Variants in ROBO2 observed in about 807,000 individuals in gnomAD.
ROBO2 encodes roundabout guidance receptor 2, also known as roundabout homolog 2.
In ROBO2, 53 loss-of-function variants were observed where a neutral mutation model predicts 160.8. The observed-to-expected ratio is 0.33, with a 90% confidence interval of 0.26 to 0.41. ROBO2 has a LOEUF of 0.41. Among genes scored for constraint, ROBO2 ranks in the 10% least tolerant of loss-of-function variants. The pLI, the probability that ROBO2 is intolerant of heterozygous loss-of-function variation, is 1.00. For synonymous variants in ROBO2, 664 were observed against 611.7 expected (o/e 1.09, Z -1.26); for missense variants, 1,577 against 1,722.4 (o/e 0.92, Z 1.49).
chr3:76,768,041 A>T (rs894934610), intron 2 of ROBO2, among the ~76,000 whole-genome samples: 1 of 151,542 alleles, frequency 6.6e-6, no homozygotes, highest in Admixed American at 6.6e-5. Flanking sequence ...TGGCACTGAT[A>T]CAATAGGCAT....
At chr3:76,496,428 G>A (rs934436876) in intron 2 of ROBO2, among the ~76,000 whole-genome samples, 1 of 152,206 alleles carries the variant, frequency 6.6e-6, no homozygotes, top group South Asian at 2.1e-4. Flanking sequence ...GAATGCCTCA[G>A]ATTCTGTTCT....
intron 2 of ROBO2, among the ~76,000 whole-genome samples, chr3:76,948,888 ATATATATATATATATATATATTTTT>A (rs1559749583): frequency 1.2e-4 from 3 of 24,854 alleles, no homozygotes; most frequent in Non-Finnish European, 2.5e-4. Flanking sequence ...ATATATATAT[ATATATATATATATATATATATTTTT>A]TTTTTTTTTT....
intron 2 of ROBO2, among the ~76,000 whole-genome samples, chr3:77,165,201 A>G (rs1478199716): frequency 2.7e-5 from 4 of 150,538 alleles, no homozygotes; most frequent in Admixed American, 6.6e-5. Flanking sequence ...GAGACTTTTC[A>G]TTTTGTTCTG....
chr3:76,829,723 C>T (rs1279059860), intron 2 of ROBO2, among the ~76,000 whole-genome samples: 1 of 150,502 alleles, frequency 6.6e-6, no homozygotes, highest in Non-Finnish European at 1.5e-5. Context: ...GGCTGGAGTG[C>T]AATGGCACAA....
intron 2 of ROBO2, among the ~76,000 whole-genome samples, chr3:76,860,384 G>A (rs912350495): frequency 2.6e-5 from 4 of 152,208 alleles, no homozygotes; most frequent in Admixed American, 1.3e-4. Context: ...TAAAGAAGAT[G>A]AGTTCCCTCA....
intron 2 of ROBO2, among the ~76,000 whole-genome samples, chr3:76,478,717 T>C (rs1382848758): frequency 6.9e-6 from 1 of 145,250 alleles, no homozygotes; most frequent in African/African-American, 2.6e-5. Flanking sequence ...ATGCTCACTC[T>C]CTCAGCTCGG....
At chr3:77,314,679 G>A (rs1269361998) in intron 2 of ROBO2, among the ~76,000 whole-genome samples, 1 of 152,118 alleles carries the variant, frequency 6.6e-6, no homozygotes, top group Admixed American at 6.6e-5. Context: ...TGACAGGGAA[G>A]TGTTAAAAAA....
At chr3:76,564,326 T>C (rs2084382682) in intron 2 of ROBO2, among the ~76,000 whole-genome samples, 1 of 151,830 alleles carries the variant, frequency 6.6e-6, no homozygotes, top group African/African-American at 2.4e-5. Flanking sequence ...ATATCATAAA[T>C]GCTTTTATGA....
At chr3:77,091,642 C>A (rs1005057086) in intron 1 of ROBO2, among the ~76,000 whole-genome samples, 2 of 151,982 alleles carry the variant, frequency 1.3e-5, no homozygotes, top group African/African-American at 4.8e-5. Context: ...TTCTTGGAAC[C>A]TTTCGCTGGT....
chr3:77,341,274 G>C (rs1484366117), intron 2 of ROBO2, among the ~76,000 whole-genome samples: 2 of 152,034 alleles, frequency 1.3e-5, no homozygotes, highest in African/African-American at 4.8e-5. Flanking sequence ...GATTCTATTA[G>C]AGCAGAGGTG....
intron 1 of ROBO2, among the ~76,000 whole-genome samples, chr3:77,074,498 A>T (rs2067743943): frequency 6.6e-6 from 1 of 152,182 alleles, no homozygotes; most frequent in South Asian, 2.1e-4. Flanking sequence ...CTTTTCTAAC[A>T]CATTAGGGAA....
At position 76,680,751 on chromosome 3, in the gene ROBO2, C is replaced by A. The variant is rs535942879; in HGVS notation, c.110-417263C>A. On this transcript the variant is annotated intron_variant, in intron 2 of 26. Coordinates refer to the ROBO2 transcript ENST00000487694. ...ATGATGACCTTATCACCATTCAGTACAGTATAATTTATATTTTATTTTTAT... is the reference window on the plus strand; with the variant it reads ...ATGATGACCTTATCACCATTCAGTAAAGTATAATTTATATTTTATTTTTAT... Among the ~76,000 whole-genome samples the A allele has an allele frequency of 3.3e-4, 50 of 151,948 alleles. 1 individual carries two copies. The highest frequency in any genetic ancestry group is 7.2e-4 in the Non-Finnish European group (49 of 67,938).
At chr3:77,472,004 G>T (rs1479352420) in intron 2 of ROBO2, among the ~76,000 whole-genome samples, 1 of 152,152 alleles carries the variant, frequency 6.6e-6, no homozygotes, top group Non-Finnish European at 1.5e-5. Flanking sequence ...TAGGTAGACA[G>T]GGGATCTTTA....
At chr3:77,568,261 A>G (rs574593036) in intron 12 of ROBO2, 52 bp from the exon 14 acceptor site, 1 of 1,595,286 alleles carries the variant, frequency 6.3e-7, no homozygotes, top group Admixed American at 1.7e-5. Context: ...AATAAATTGT[A>G]ATTTTAATAT....
Position 77,135,644 on chromosome 3 carries a change from G to A in ROBO2, c.388+37304G>A, listed in dbSNP as rs565000218. Among the ~76,000 whole-genome samples the A allele has an allele frequency of 1.6e-4, 24 of 151,814 alleles. 1 individual carries two copies. Among genetic ancestry groups the A allele is most frequent in the African/African-American group, 4.4e-4 (18 of 41,354 alleles). On this transcript the variant is annotated intron_variant, in intron 2 of 25. Coordinates refer to ENST00000461745, the Ensembl canonical transcript of ROBO2. Reference sequence around the variant, plus strand: ...GGCTGCTGTTGGCCTCCTGGAATCCGGCAATCTTCTTGCGTTGGCCTCTCA... The same window carrying A: ...GGCTGCTGTTGGCCTCCTGGAATCCAGCAATCTTCTTGCGTTGGCCTCTCA...
chr3:75,974,687 G>A (rs149724939), intron 2 of ROBO2, among the ~76,000 whole-genome samples: 29 of 151,552 alleles, frequency 1.9e-4, no homozygotes, highest in Non-Finnish European at 3.5e-4. Context: ...CATTTATAAT[G>A]TTTTCAATTA....
intron 2 of ROBO2, among the ~76,000 whole-genome samples, chr3:77,315,843 T>C (rs2063933819): frequency 6.6e-6 from 1 of 152,154 alleles, no homozygotes. Flanking sequence ...TTGTCTCGTC[T>C]TAAAAAGAGC....
chr3:76,474,745 G>C (rs536434006), intron 2 of ROBO2, among the ~76,000 whole-genome samples: 1 of 152,196 alleles, frequency 6.6e-6, no homozygotes, highest in African/African-American at 2.4e-5. Flanking sequence ...GAATCCGCTG[G>C]AGATCAGCTG....
At chr3:76,902,454 T>A (rs1467120340) in intron 2 of ROBO2, among the ~76,000 whole-genome samples, 2 of 152,128 alleles carry the variant, frequency 1.3e-5, no homozygotes, top group Non-Finnish European at 2.9e-5. Flanking sequence ...TTTAAGATAA[T>A]TTCATAAAAT....
Sources: allele counts gnomAD v4.1 joint callset (sites outside exome capture counted in the v4.1 genomes callset), GRCh38; gene constraint gnomAD v4.1.1; transcripts MANE v1.5; gene names NCBI Gene and HGNC (gene_info 2026-07-23, HGNC 2026-07-21).